The following AGK variants were observed in gnomAD, a reference collection of about 807,000 sequenced individuals.
The protein encoded by AGK is acylglycerol kinase, also known as acylglycerol kinase, mitochondrial.
In AGK, 52 loss-of-function variants were observed where a neutral mutation model predicts 66.4. The ratio of observed to expected loss-of-function variants is 0.78; its 90% CI spans 0.63 to 0.99. AGK has a LOEUF of 0.99. AGK is among the 50% of genes least tolerant of loss of function. The pLI is 0.00. For missense variants in AGK, 451 were observed against 506.6 expected, an observed-to-expected ratio of 0.89 and a Z score of 1.05; for synonymous variants, 182 against 181.1, an observed-to-expected ratio of 1.00 and a Z score of -0.04.
rs1797561095 is a variant in AGK, at chr7:141,651,627, C to T, written c.1131+18C>T. On this transcript the variant is annotated intron_variant, in intron 15 of 15. Transcript: ENST00000649286. ...TCCCGGAGGTGAGTGGGGAAGGGGT[C>T]GGTAGTCACAGCATTTGATTCGTTC... is the stretch of plus-strand genomic sequence containing the variant. 5 of 1,610,638 alleles carry T rather than the reference C, an allele frequency of 3.1e-6. No homozygotes were observed. The highest frequency in any genetic ancestry group is 3.4e-6 in the Non-Finnish European group (4 of 1,176,782).
intron 10 of AGK, 28 bp from the exon 11 acceptor site, chr7:141,636,932 T>C (rs375511917): frequency 6.3e-6 from 10 of 1,590,324 alleles, no homozygotes; most frequent in African/African-American, 1.3e-5. Flanking sequence ...GATATTCTTA[T>C]CAGATTTTTA....
At chr7:141,640,728 T>G (rs1053967884) in intron 11 of AGK, among the ~76,000 whole-genome samples, 4 of 152,212 alleles carry the variant, frequency 2.6e-5, no homozygotes, top group Admixed American at 2.6e-4. Context: ...GACACTGGAC[T>G]TGGGATGCCA....
chr7:141,652,594 G>A (rs918357583), intron 15 of AGK, 193 bp from the exon 16 acceptor site: 1 of 457,632 alleles, frequency 2.2e-6, no homozygotes, highest in Non-Finnish European at 3.9e-6. Context: ...GGTAGAATTA[G>A]GATGTTTCCA....
chr7:141,552,817 CA>C (rs1162257357), intron 1 of AGK, among the ~76,000 whole-genome samples: 2 of 152,144 alleles, frequency 1.3e-5, no homozygotes, highest in Non-Finnish European at 2.9e-5. Context: ...TCTTTGAAGA[CA>C]CAGGTACACA....
chr7:141,582,106 A>G (rs1795894522), intron 2 of AGK, among the ~76,000 whole-genome samples: 1 of 151,968 alleles, frequency 6.6e-6, no homozygotes, highest in Non-Finnish European at 1.5e-5. Context: ...AGTCAAGAAG[A>G]TCTGGGAAGG....
intron 2 of AGK, among the ~76,000 whole-genome samples, chr7:141,576,188 C>G (rs1032953835): frequency 6.6e-6 from 1 of 152,028 alleles, no homozygotes; most frequent in Non-Finnish European, 1.5e-5. Flanking sequence ...TCAGTGCCAC[C>G]AAAGAAATAG....
chr7:141,591,742 G>A (rs1342582959), intron 2 of AGK, among the ~76,000 whole-genome samples: 4 of 152,096 alleles, frequency 2.6e-5, no homozygotes, highest in African/African-American at 4.8e-5. Context: ...ATCTTTTCTG[G>A]GTATTTGATT....
Position 141,654,247 on chromosome 7 carries a change from A to G in AGK, c.*1323A>G, listed in dbSNP as rs1797635097. The G allele has an allele frequency of 6.6e-6, 1 of 152,212 alleles. No individual in the cohort carries two copies. The allele number at this position is 152,212 out of a possible 1,614,324, so 9.4% of individuals were successfully genotyped here. ...AAACGGTATTAATTCTTGGATGATT[A>G]AAAGTTTTTTTATTAGAATGTTCTT... On this transcript the variant is annotated 3_prime_UTR_variant, in exon 16 of 16. Transcript: ENST00000649286.
intron 3 of AGK, among the ~76,000 whole-genome samples, chr7:141,594,537 G>A (rs769853148): frequency 6.6e-6 from 1 of 151,884 alleles, no homozygotes; most frequent in Non-Finnish European, 1.5e-5. Context: ...TGATTGTAGG[G>A]CCCTCCCTTT....
At chr7:141,583,622 A>G (rs1795931905) in intron 2 of AGK, among the ~76,000 whole-genome samples, 5 of 151,966 alleles carry the variant, frequency 3.3e-5, no homozygotes, top group African/African-American at 9.7e-5. Context: ...AGGTGTCCCC[A>G]TGGTTATCAG....
At chr7:141,609,463 C>T (rs897040127) in intron 5 of AGK, among the ~76,000 whole-genome samples, 3 of 152,146 alleles carry the variant, frequency 2.0e-5, no homozygotes, top group South Asian at 2.1e-4. Flanking sequence ...GGATACTACT[C>T]GGGAACAACA....
At chr7:141,646,032 C>T (rs755457618) in intron 13 of AGK, among the ~76,000 whole-genome samples, 5 of 152,042 alleles carry the variant, frequency 3.3e-5, no homozygotes, top group African/African-American at 9.7e-5. Flanking sequence ...GATGCTTGCC[C>T]GAGGTGACTG....
chr7:141,653,007 A>G lies in AGK; in HGVS notation c.*83A>G. The G allele has an allele frequency of 6.4e-7, 1 of 1,554,932 alleles. No individual in the cohort carries two copies. Among genetic ancestry groups the G allele is most frequent in the Non-Finnish European group, 8.8e-7 (1 of 1,142,798 alleles). On this transcript the variant is annotated 3_prime_UTR_variant, in exon 16 of 16. Coordinates refer to ENST00000649286, the MANE Select transcript of AGK (RefSeq NM_018238.4). ...GAACAGGTGCCTCAGCCATCCCAAC[A>G]GTGTCGTCAGAGGGTCCCCAGGGCA...
chr7:141,620,718 T>A (rs1796805900), intron 8 of AGK, among the ~76,000 whole-genome samples: 1 of 152,166 alleles, frequency 6.6e-6, no homozygotes, highest in Non-Finnish European at 1.5e-5. Context: ...CACAATATTG[T>A]AAGATATGCC....
Position 141,634,047 on chromosome 7 carries a change from G to A in AGK, c.668+67G>A, listed in dbSNP as rs1196805354. Reference sequence around the variant, plus strand: ...ATCTTATTCTGTCCCTGCCTTTCAGGTTTTAATTCACAGTGATCTTCTGGG... The same window carrying A: ...ATCTTATTCTGTCCCTGCCTTTCAGATTTTAATTCACAGTGATCTTCTGGG... On this transcript the variant is annotated intron_variant, in intron 10 of 15. Coordinates refer to ENST00000649286, the MANE Select transcript of AGK (RefSeq NM_018238.4). The A allele has an allele frequency of 2.2e-6, 3 of 1,347,222 alleles. No individual in the cohort carries two copies. In the East Asian group the frequency reaches 6.9e-5, roughly 31 times the overall value. 83.5% of individuals were successfully genotyped at this position (1,347,222 alleles called of 1,614,324 possible).
Position 141,591,826 on chromosome 7 carries a change from G to A in AGK, c.102-1320G>A, listed in dbSNP as rs143292622. Among the ~76,000 whole-genome samples the A allele has an allele frequency of 5.0e-3, 764 of 152,302 alleles. 2 individuals carry two copies. Among genetic ancestry groups the A allele is most frequent in the Admixed American group, 9.1e-3 (139 of 15,294 alleles). Reference sequence around the variant, plus strand: ...CAATGTGCATTAGCACAAGCTCTTAGATGAAGATTCTGGAGCCCCGGAGGT... The same window carrying A: ...CAATGTGCATTAGCACAAGCTCTTAAATGAAGATTCTGGAGCCCCGGAGGT... On this transcript the variant is annotated intron_variant, in intron 2 of 15. Transcript: ENST00000649286.
chr7:141,556,527 T>G, intron 2 of AGK, among the ~76,000 whole-genome samples: 2 of 140,652 alleles, frequency 1.4e-5, no homozygotes, highest in Non-Finnish European at 1.5e-5. Context: ...GGTGAGGGAG[T>G]GAGACCCTGT....
intron 1 of AGK, among the ~76,000 whole-genome samples, chr7:141,553,104 G>A (rs1480789959): frequency 6.6e-6 from 1 of 152,174 alleles, no homozygotes; most frequent in Non-Finnish European, 1.5e-5. Flanking sequence ...TGCCAGCATG[G>A]TTGAGTGCAT....
At chr7:141,625,851 G>T (rs1482140023) in intron 9 of AGK, among the ~76,000 whole-genome samples, 1 of 151,658 alleles carries the variant, frequency 6.6e-6, no homozygotes. Flanking sequence ...TTATGATTTT[G>T]TAGATTATCT....
Sources: gnomAD v4.1 joint callset for allele counts (sites outside exome capture counted in the v4.1 genomes callset) on GRCh38, gnomAD v4.1.1 for gene constraint, MANE v1.5 for transcripts, NCBI Gene and HGNC (gene_info 2026-07-23, HGNC 2026-07-21) for gene names.